Variants in UBE2R2 observed in about 807,000 individuals in gnomAD.
UBE2R2 encodes the protein ubiquitin-conjugating enzyme E2 R2.
A neutral mutation model predicts 27.8 loss-of-function variants in UBE2R2; 1 was observed. The observed-to-expected ratio is 0.04, with a 90% CI of 0.01 to 0.17. The LOEUF (loss-of-function observed/expected upper bound fraction) is 0.17. UBE2R2 is among the 10% of genes least tolerant of loss of function. The pLI is 1.00. For synonymous variants in UBE2R2, 106 were observed against 113.3 expected, an observed-to-expected ratio of 0.94 and a Z score of 0.41; for missense variants, 100 against 291.0, an observed-to-expected ratio of 0.34 and a Z score of 4.78.
chr9:33,821,349 G>C (rs1825978240), intron 1 of UBE2R2, among the ~76,000 whole-genome samples: 2 of 152,058 alleles, frequency 1.3e-5, no homozygotes, highest in Admixed American at 1.3e-4. Context: ...AGTGAGGTAG[G>C]GTCTCACTAT....
intron 1 of UBE2R2, among the ~76,000 whole-genome samples, chr9:33,864,984 A>T (rs1482956263): frequency 2.6e-5 from 4 of 152,050 alleles, no homozygotes; most frequent in Non-Finnish European, 5.9e-5. Context: ...TTGGCCTCCC[A>T]AAGTGCTGGG....
chr9:33,877,631 G>A (rs1821633394), intron 1 of UBE2R2, among the ~76,000 whole-genome samples: 1 of 152,030 alleles, frequency 6.6e-6, no homozygotes, highest in African/African-American at 2.4e-5. Context: ...GTTTGGTAAG[G>A]CTCTAAGAAA....
intron 1 of UBE2R2, among the ~76,000 whole-genome samples, chr9:33,831,435 G>A (rs989096810): frequency 6.6e-6 from 1 of 152,060 alleles, no homozygotes; most frequent in Non-Finnish European, 1.5e-5. Context: ...TTGTTTGTTT[G>A]AGACAGAGTC....
At chr9:33,861,563 G>A (rs1172338840) in intron 1 of UBE2R2, among the ~76,000 whole-genome samples, 2 of 151,848 alleles carry the variant, frequency 1.3e-5, no homozygotes, top group Admixed American at 1.3e-4. Context: ...CTGCACTCTA[G>A]CCTAGGCGAC....
At chr9:33,843,180 C>A (rs1479930298) in intron 1 of UBE2R2, among the ~76,000 whole-genome samples, 1 of 150,798 alleles carries the variant, frequency 6.6e-6, no homozygotes, top group Non-Finnish European at 1.5e-5. Context: ...TCCCAAATAG[C>A]TGGGATTACA....
At chr9:33,818,069 C>A in intron 1 of UBE2R2, 135 bp downstream of exon 1, 1 of 1,039,970 alleles carries the variant, frequency 9.6e-7, no homozygotes, top group Non-Finnish European at 1.3e-6. Context: ...AGCCCCCTCC[C>A]CCATCCCTGG....
chr9:33,858,246 A>G (rs1003781813), intron 1 of UBE2R2, among the ~76,000 whole-genome samples: 9 of 152,164 alleles, frequency 5.9e-5, no homozygotes, highest in African/African-American at 9.6e-5. Context: ...GCCATTATCA[A>G]AAGATAGTAC....
chr9:33,854,562 T>G (rs1397416600), intron 1 of UBE2R2, among the ~76,000 whole-genome samples: 3 of 152,096 alleles, frequency 2.0e-5, no homozygotes, highest in Admixed American at 6.6e-5. Context: ...CTTTACGTGA[T>G]CCGCCTGCTT....
intron 1 of UBE2R2, among the ~76,000 whole-genome samples, chr9:33,877,823 G>GTCTGTCTGTCTCTCTCTC: frequency 8.4e-5 from 11 of 131,116 alleles, no homozygotes; most frequent in African/African-American, 3.0e-4. Flanking sequence ...CTGTCTGTCT[G>GTCTGTCTGTCTCTCTCTC]TCTCTCTCTC....
chr9:33,867,994 G>A (rs1019611378), intron 1 of UBE2R2, among the ~76,000 whole-genome samples: 9 of 152,170 alleles, frequency 5.9e-5, no homozygotes, highest in Non-Finnish European at 1.2e-4. Flanking sequence ...TTCTTGTTCG[G>A]TGTCCAGGAA....
chr9:33,846,867 T>C (rs1488100382), intron 1 of UBE2R2, among the ~76,000 whole-genome samples: 1 of 152,210 alleles, frequency 6.6e-6, no homozygotes, highest in African/African-American at 2.4e-5. Context: ...TTCTCATTTC[T>C]TCCTGAAGTG....
chr9:33,899,521 A>G (rs1192963560), intron 2 of UBE2R2, among the ~76,000 whole-genome samples: 1 of 151,490 alleles, frequency 6.6e-6, no homozygotes, highest in Non-Finnish European at 1.5e-5. Context: ...ATTACAGGGG[A>G]GTGCTACCAC....
intron 1 of UBE2R2, among the ~76,000 whole-genome samples, chr9:33,841,365 C>A (rs1820730015): frequency 6.6e-6 from 1 of 152,160 alleles, no homozygotes; most frequent in Admixed American, 6.6e-5. Context: ...CGGGCGTGAG[C>A]CACTGCGCCC....
chr9:33,874,271 A>G (rs1485666531), intron 1 of UBE2R2, among the ~76,000 whole-genome samples: 1 of 151,934 alleles, frequency 6.6e-6, no homozygotes, highest in Non-Finnish European at 1.5e-5. Context: ...TATATTTTCA[A>G]ACTTAATTGA....
chr9:33,858,810 GTTTGTTTTGTTTTGT>G (rs377254347), intron 1 of UBE2R2, among the ~76,000 whole-genome samples: 6 of 151,612 alleles, frequency 4.0e-5, no homozygotes, highest in Admixed American at 2.6e-4. Context: ...TTATGGAGGA[GTTTGTTTTGTTTTGT>G]TTTGTTTTGT....
chr9:33,823,773 A>G (rs1222280536), intron 1 of UBE2R2, among the ~76,000 whole-genome samples: 1 of 152,224 alleles, frequency 6.6e-6, no homozygotes, highest in Non-Finnish European at 1.5e-5. Context: ...GTACACGTAA[A>G]CTAATTTTAT....
intron 1 of UBE2R2, among the ~76,000 whole-genome samples, chr9:33,872,690 G>A (rs1027861433): frequency 4.6e-5 from 7 of 151,926 alleles, no homozygotes; most frequent in African/African-American, 1.7e-4. Context: ...GGAGGCTGAG[G>A]CAGGAGAATC....
chr9:33,908,554 A>C (rs933700525), intron 3 of UBE2R2, among the ~76,000 whole-genome samples: 1 of 152,208 alleles, frequency 6.6e-6, no homozygotes, highest in Non-Finnish European at 1.5e-5. Flanking sequence ...AGTTACCACT[A>C]TATTAGTCTG....
At chr9:33,836,624 G>A (rs2130733729) in intron 1 of UBE2R2, among the ~76,000 whole-genome samples, 1 of 152,192 alleles carries the variant, frequency 6.6e-6, no homozygotes, top group East Asian at 1.9e-4. Context: ...AGACATGGTG[G>A]CACATGCCTG....
Sources: gnomAD v4.1 joint callset for allele counts (sites outside exome capture counted in the v4.1 genomes callset) on GRCh38, gnomAD v4.1.1 for gene constraint, MANE v1.5 for transcripts, NCBI Gene and HGNC (gene_info 2026-07-23, HGNC 2026-07-21) for gene names.